REPS2: variants seen among roughly 807,000 people sequenced by gnomAD.
REPS2 encodes the protein RALBP1 associated Eps domain containing 2.
A neutral mutation model predicts 53.6 loss-of-function variants in REPS2; 23 were observed. That is an observed-to-expected ratio of 0.43 (90% CI 0.31 to 0.61). The LOEUF is 0.61. Ranked by LOEUF, REPS2 falls within the 20% of genes least tolerant of loss-of-function variation. The pLI, the probability that REPS2 is intolerant of heterozygous loss-of-function variation, is 0.11. For missense variants in REPS2, 446 were observed against 534.9 expected (o/e 0.83, Z 1.64); for synonymous variants, 238 against 218.6 (o/e 1.09, Z -0.78).
chrX:17,192,496 C>G, the REPS2 span, among the ~76,000 whole-genome samples: 1 of 111,661 alleles, frequency 9.0e-6, no homozygotes, highest in Non-Finnish European at 1.9e-5. Flanking sequence ...GGCCCTGCTA[C>G]ATGTCCTGGT....
At position 17,151,131 on chromosome X, in the gene REPS2, T is replaced by A. The variant is rs766269380; in HGVS notation, c.*3650T>A. 1 of 112,613 alleles carries A rather than the reference T, an allele frequency of 8.9e-6. No individual in the cohort carries two copies. The highest frequency in any genetic ancestry group is 9.4e-5 in the Admixed American group (1 of 10,621). 9.3% of individuals were successfully genotyped at this position (112,613 alleles called of 1,213,427 possible). A position where few individuals can be genotyped will look rare whatever the true frequency, so the allele number is the denominator to read the frequency against. On this transcript the variant is annotated 3_prime_UTR_variant, in exon 18 of 18. Transcript: ENST00000357277. ...CATTCCTGTATTCCTTATGGGAGGT[T>A]GTTTTTAAAATAGACTACTGCGATT...
chrX:17,158,115 TTACA>T (rs751385883), downstream of REPS2, among the ~76,000 whole-genome samples: 22 of 112,262 alleles, frequency 2.0e-4, no homozygotes, highest in Non-Finnish European at 3.9e-4. Flanking sequence ...AGTTGAGTTG[TTACA>T]TACACACGTG....
intron 13 of REPS2, among the ~76,000 whole-genome samples, chrX:17,079,098 G>C (rs956626249): frequency 3.6e-5 from 4 of 112,242 alleles, no homozygotes; most frequent in Non-Finnish European, 7.5e-5. Context: ...AAAAAAATCT[G>C]AAATGCTTCA....
intron 2 of REPS2, among the ~76,000 whole-genome samples, chrX:17,017,057 C>T (rs946684610): frequency 1.8e-5 from 2 of 111,308 alleles, no homozygotes; most frequent in African/African-American, 6.5e-5. Flanking sequence ...CTGTAACCTC[C>T]ACCTTCCAAG....
At chrX:17,187,209 G>A in the REPS2 span, among the ~76,000 whole-genome samples, 1 of 111,846 alleles carries the variant, frequency 8.9e-6, no homozygotes, top group Non-Finnish European at 1.9e-5. Flanking sequence ...CCTCCCTGCT[G>A]GAATCTTTAC....
At chrX:16,994,297 GTGTGTGTATGTATATGTGTGTATATA>G (rs1276048504) in intron 1 of REPS2, among the ~76,000 whole-genome samples, 1 of 111,235 alleles carries the variant, frequency 9.0e-6, no homozygotes, top group African/African-American at 3.3e-5. Context: ...TTTTATATGT[GTGTGTGTATGTATATGTGTGTATATA>G]TGTGTGTATG....
At chrX:17,065,268 A>G (rs1487920646) in intron 9 of REPS2, among the ~76,000 whole-genome samples, 1 of 112,262 alleles carries the variant, frequency 8.9e-6, no homozygotes, top group African/African-American at 3.2e-5. Flanking sequence ...CAATTTTCCC[A>G]CATCCTTGTT....
intron 2 of REPS2, among the ~76,000 whole-genome samples, chrX:17,014,498 A>G (rs1209774766): frequency 2.7e-5 from 3 of 111,748 alleles, no homozygotes; most frequent in Non-Finnish European, 5.6e-5. Context: ...ATAATAGGAG[A>G]CTAGATAGCT....
At chrX:17,020,332 C>T (rs1232290814) in intron 2 of REPS2, among the ~76,000 whole-genome samples, 1 of 111,919 alleles carries the variant, frequency 8.9e-6, no homozygotes, top group Non-Finnish European at 1.9e-5. Context: ...TAGAGTCATC[C>T]TCTTATGGGT....
chrX:17,062,485 G>C lies in REPS2; in HGVS notation c.1162G>C (p.Glu388Gln). 8.3e-7 allele frequency: 1 copy of C among 1,205,565 alleles called. No homozygotes were observed. The highest frequency in any genetic ancestry group is 1.7e-5 in the African/African-American group (1 of 57,530). Reference sequence around the variant, plus strand: ...CTGTCAATTATTTGATTCTTATTCTGAGTCACTGCCGGCAAATCAACAACC... The same window carrying C: ...CTGTCAATTATTTGATTCTTATTCTCAGTCACTGCCGGCAAATCAACAACC... ...WDCQLFDSYSESLPANQQPRD... is the reference protein window; with the variant it reads ...WDCQLFDSYSQSLPANQQPRD... The change falls in exon 9 of 18, where the codon GAG becomes CAG. Residue 388 changes from glutamate to glutamine, a missense_variant. By Grantham distance (29) the Glu-to-Gln change is conservative. Transcript: ENST00000357277.
At chrX:17,191,427 G>A in the REPS2 span, among the ~76,000 whole-genome samples, 1 of 112,235 alleles carries the variant, frequency 8.9e-6, no homozygotes, top group African/African-American at 3.2e-5. Flanking sequence ...TTTTTTAAAA[G>A]CAACAATATC....
At chrX:16,981,139 C>A (rs750712975) in intron 1 of REPS2, among the ~76,000 whole-genome samples, 14 of 111,633 alleles carry the variant, frequency 1.3e-4, no homozygotes, top group Non-Finnish European at 2.4e-4. Context: ...TGGTAGGAGT[C>A]AGTTGTGTTC....
chrX:17,078,467 T>C (rs2147995645), intron 13 of REPS2, among the ~76,000 whole-genome samples: 1 of 112,183 alleles, frequency 8.9e-6, no homozygotes, highest in East Asian at 2.8e-4. Flanking sequence ...AATTTAATTC[T>C]GTGCCATGAG....
intron 13 of REPS2, among the ~76,000 whole-genome samples, chrX:17,096,585 G>A (rs1377334848): frequency 1.1e-4 from 10 of 88,623 alleles, no homozygotes; most frequent in Non-Finnish European, 1.7e-4. Flanking sequence ...GCGTGAACCC[G>A]GGAGGCGGAG....
chrX:17,185,652 G>A, the REPS2 span, among the ~76,000 whole-genome samples: 1 of 112,007 alleles, frequency 8.9e-6, no homozygotes, highest in Non-Finnish European at 1.9e-5. Context: ...ACCACCAACT[G>A]AGAAACTGTC....
At chrX:17,135,084 G>A (rs1457734068) in intron 15 of REPS2, among the ~76,000 whole-genome samples, 177 bp from the exon 16 acceptor site, 2 of 110,569 alleles carry the variant, frequency 1.8e-5, no homozygotes, top group Non-Finnish European at 3.8e-5. Context: ...AAAAAGGGAA[G>A]ACCACTGGAC....
chrX:17,021,805 C>T (rs1174607099), intron 2 of REPS2, among the ~76,000 whole-genome samples: 1 of 112,426 alleles, frequency 8.9e-6, no homozygotes, highest in Non-Finnish European at 1.9e-5. Context: ...CCATTTGTCA[C>T]TTATTATTGT....
intron 1 of REPS2, among the ~76,000 whole-genome samples, chrX:16,992,532 C>G (rs1286933911): frequency 1.8e-5 from 2 of 111,887 alleles, no homozygotes; most frequent in African/African-American, 6.5e-5. Context: ...CTGTATGAAA[C>G]ATAGACATTC....
the REPS2 span, among the ~76,000 whole-genome samples, chrX:17,174,818 C>T: frequency 2.7e-5 from 3 of 112,834 alleles, no homozygotes; most frequent in East Asian, 8.4e-4. Context: ...GCTGCTGCTG[C>T]TGCTATTTTT....
Sources: gnomAD v4.1 joint callset for allele counts (sites outside exome capture counted in the v4.1 genomes callset) on GRCh38, gnomAD v4.1.1 for gene constraint, MANE v1.5 for transcripts, NCBI Gene and HGNC (gene_info 2026-07-23, HGNC 2026-07-21) for gene names.